Variants in TRIM66 observed in about 807,000 individuals in gnomAD.
TRIM66 encodes the protein tripartite motif-containing protein 66.
Under a neutral mutation model 148.2 loss-of-function variants are expected in TRIM66, and 99 were observed. The ratio of observed to expected loss-of-function variants is 0.67; its 90% confidence interval spans 0.57 to 0.79. The LOEUF (loss-of-function observed/expected upper bound fraction) is 0.79. TRIM66 is among the 30% of genes least tolerant of loss of function. The pLI is 0.00. For synonymous variants in TRIM66, 616 were observed against 635.9 expected, an observed-to-expected ratio of 0.97 and a Z score of 0.47; for missense variants, 1,666 against 1,697.9, an observed-to-expected ratio of 0.98 and a Z score of 0.33.
intron 6 of TRIM66, among the ~76,000 whole-genome samples, chr11:8,659,232 T>C (rs1049145967): frequency 6.6e-6 from 1 of 152,060 alleles, no homozygotes; most frequent in African/African-American, 2.4e-5. Context: ...CTCAGGAGCT[T>C]GACCTTCATC....
rs567437538 is a variant in TRIM66, at chr11:8,622,875, C to T, written c.3021G>A (p.Glu1007=). Residue 1007 remains glutamate (E), a splice_region_variant and synonymous_variant, in exon 18 of 25, where the codon GAG becomes GAA. Coordinates refer to ENST00000646038, the MANE Select transcript of TRIM66 (RefSeq NM_001388022.1). ...TALQQYQNPK[E]CENFEQGALE... is the part of the protein sequence containing the mutation. ...GGGCTCCTTGTTCAAAATTCTCACA[C>T]TCTAAGGCAAAAGACAAACAAATAC... 1.3e-6 allele frequency: 2 copies of T among 1,551,970 alleles called. No individual in the cohort carries two copies. Among genetic ancestry groups the T allele is most frequent in the East Asian group, 4.9e-5 (2 of 40,922 alleles).
At chr11:8,647,805 C>T (rs2036996167) in intron 10 of TRIM66, among the ~76,000 whole-genome samples, 165 bp downstream of exon 10, 1 of 152,188 alleles carries the variant, frequency 6.6e-6, no homozygotes, top group Non-Finnish European at 1.5e-5. Flanking sequence ...CCTCCCTGGC[C>T]CTGAGACCTC....
At chr11:8,655,502 GCC>G in intron 6 of TRIM66, among the ~76,000 whole-genome samples, 1 of 152,084 alleles carries the variant, frequency 6.6e-6, no homozygotes, top group South Asian at 2.1e-4. Flanking sequence ...TTTCCTGGAG[GCC>G]AGGCACGGTG....
intron 19 of TRIM66, 102 bp from the exon 20 acceptor site, chr11:8,621,423 C>T: frequency 7.0e-7 from 1 of 1,423,894 alleles, no homozygotes; most frequent in Admixed American, 2.6e-5. Context: ...ACATGAGAGC[C>T]ACTTATTCCA....
chr11:8,653,402 C>T (rs2037532515), intron 6 of TRIM66, among the ~76,000 whole-genome samples: 1 of 152,168 alleles, frequency 6.6e-6, no homozygotes, highest in East Asian at 1.9e-4. Flanking sequence ...GTTCTTAGAA[C>T]TTTAAGAGTG....
chr11:8,657,535 A>G (rs1386896915), intron 6 of TRIM66, among the ~76,000 whole-genome samples: 2 of 152,116 alleles, frequency 1.3e-5, no homozygotes, highest in Non-Finnish European at 2.9e-5. Flanking sequence ...GTGAACTACT[A>G]AGCAGTCCCT....
Position 8,682,628 on chromosome 11 carries a change from T to TCCCCCC in TRIM66, c.-576_-575insGGGGGG, listed in dbSNP as rs1232877300. 7.4e-6 allele frequency: 5 copies of TCCCCCC among 678,856 alleles called. No homozygotes were observed. The highest frequency in any genetic ancestry group is 1.3e-5 in the Non-Finnish European group (5 of 379,402). 42.1% of individuals were successfully genotyped at this position (678,856 alleles called of 1,614,324 possible). A position where few individuals can be genotyped will look rare whatever the true frequency, so the allele number is the denominator to read the frequency against. Reference sequence around the variant, plus strand: ...AAACCGTACACCGCCACCAGGACACTCCGTGATGGGGGATCACCACCCTCA... The same window carrying TCCCCCC: ...AAACCGTACACCGCCACCAGGACACTCCCCCCCCGTGATGGGGGATCACCACCCTCA... On this transcript the variant is annotated 5_prime_UTR_variant, in exon 1 of 25. Transcript: ENST00000646038.
chr11:8,675,595 T>C (rs1402159595), intron 3 of TRIM66, among the ~76,000 whole-genome samples: 1 of 151,922 alleles, frequency 6.6e-6, no homozygotes, highest in Non-Finnish European at 1.5e-5. Context: ...TTGGTTAGGG[T>C]GATCTCAAAC....
At chr11:8,622,677 A>T (rs2034417381) in intron 18 of TRIM66, 139 bp downstream of exon 18, 4 of 739,638 alleles carry the variant, frequency 5.4e-6, no homozygotes, top group Non-Finnish European at 6.9e-6. Flanking sequence ...ATCCACTTGA[A>T]GGTTGAGGGG....
chr11:8,649,028 CAAG>C (rs1262351771), intron 8 of TRIM66, among the ~76,000 whole-genome samples: 2 of 152,184 alleles, frequency 1.3e-5, no homozygotes, highest in Non-Finnish European at 2.9e-5. Context: ...AAAAGACTTT[CAAG>C]AAGATTGTCA....
chr11:8,652,019 C>A (rs2037402035), intron 6 of TRIM66, 116 bp from the exon 7 acceptor site: 2 of 757,944 alleles, frequency 2.6e-6, no homozygotes, highest in Admixed American at 5.4e-5. Context: ...CCATGTGTGC[C>A]AAAATGAACT....
At chr11:8,664,091 T>C (rs1041062028) in intron 6 of TRIM66, among the ~76,000 whole-genome samples, 8 of 152,190 alleles carry the variant, frequency 5.3e-5, no homozygotes, top group African/African-American at 1.4e-4. Context: ...GTTAATAATA[T>C]ATTGTATTCT....
chr11:8,648,828 A>C (rs2037095268), intron 8 of TRIM66, among the ~76,000 whole-genome samples: 1 of 152,188 alleles, frequency 6.6e-6, no homozygotes, highest in South Asian at 2.1e-4. Context: ...CTCCACATAG[A>C]TCTCCTGCAA....
At chr11:8,648,119 G>T in intron 9 of TRIM66, 33 bp from the exon 10 acceptor site, 1 of 1,517,468 alleles carries the variant, frequency 6.6e-7, no homozygotes, top group Non-Finnish European at 9.0e-7. Context: ...AGCTGAGAAG[G>T]GCTGAGTCCT....
intron 15 of TRIM66, 31 bp from the exon 16 acceptor site, chr11:8,625,259 G>C (rs1406343153): frequency 6.8e-7 from 1 of 1,464,488 alleles, no homozygotes; most frequent in African/African-American, 1.4e-5. Flanking sequence ...GGTAGAGTCA[G>C]GCTGCTAGCT....
rs193177623 is a variant in TRIM66, at chr11:8,638,917, C to T, written c.2149-102G>A. The T allele has an allele frequency of 1.1e-4, 135 of 1,216,184 alleles. No homozygotes were observed. In the African/African-American group the frequency reaches 1.9e-3, roughly 17 times the overall value. The allele number at this position is 1,216,184 out of a possible 1,614,324, so 75.3% of individuals were successfully genotyped here. A position where few individuals can be genotyped will look rare whatever the true frequency, so the allele number is the denominator to read the frequency against. On this transcript the variant is annotated intron_variant, in intron 14 of 24. Coordinates refer to ENST00000646038, the MANE Select transcript of TRIM66 (RefSeq NM_001388022.1). ...GTGCTCACCCTGCCATGTGCATCAT[C>T]ACCACTTGCACATTGTGGACTGCTT... is the stretch of plus-strand genomic sequence containing the variant.
rs60432547 is a variant in TRIM66 at position 8,642,843 on chromosome 11, C to CAAAAA, written c.1222+161_1222+165dup. 7.2e-3 allele frequency among the ~76,000 whole-genome samples: 529 copies of CAAAAA among 73,162 alleles called. 1 individual carries two copies. Among genetic ancestry groups the CAAAAA allele is most frequent in the Admixed American group, 0.012 (56 of 4,738 alleles). The allele number at this position is 73,162 out of a possible 152,430, so 48.0% of individuals were successfully genotyped here. On this transcript the variant is annotated intron_variant, in intron 13 of 24. Transcript: ENST00000646038. ...TTCCTCATCCTCTCCTCTTCCCCCTCAAAAAAAAAAAAAAAAAAAAAAAAA... is the reference window on the plus strand; with the variant it reads ...TTCCTCATCCTCTCCTCTTCCCCCTCAAAAAAAAAAAAAAAAAAAAAAAAAAAAAA...
intron 15 of TRIM66, among the ~76,000 whole-genome samples, chr11:8,634,937 G>C (rs944318015): frequency 9.2e-5 from 14 of 152,200 alleles, no homozygotes; most frequent in African/African-American, 2.9e-4. Context: ...GGCACTCACA[G>C]GCCAGCACAG....
chr11:8,640,589 G>A lies in TRIM66; in HGVS notation c.1786C>T (p.Gln596Ter), dbSNP rs994564554. ...GGTGGTAGCTGCTGCTGTGGCTGCT[G>A]CTGAAAGTGACTGAGCTTCAGCTTC... ...HQKLKLSHFQ[Q>*]QPQQQLPPPP... Residue 596 changes from glutamine (Q) to a stop codon, truncating the protein, a stop_gained, in exon 14 of 25, where the codon CAG becomes TAG. Coordinates refer to ENST00000646038, the MANE Select transcript of TRIM66 (RefSeq NM_001388022.1). LOFTEE classifies it high-confidence loss of function. 5.2e-6 allele frequency: 8 copies of A among 1,551,136 alleles called. No individual in the cohort carries two copies. The highest frequency in any genetic ancestry group is 7.0e-6 in the Non-Finnish European group (8 of 1,146,958).
Sources: gnomAD v4.1 joint callset for allele counts (sites outside exome capture counted in the v4.1 genomes callset) on GRCh38, gnomAD v4.1.1 for gene constraint, MANE v1.5 for transcripts, NCBI Gene and HGNC (gene_info 2026-07-23, HGNC 2026-07-21) for gene names.